The following RAB21 variants were observed in gnomAD, a reference collection of about 807,000 sequenced individuals.
The protein encoded by RAB21 is ras-related protein Rab-21.
RAB21 carries 13 observed loss-of-function variants against 33.1 expected under a neutral mutation model. The observed-to-expected ratio is 0.39, with a 90% CI of 0.26 to 0.62. The LOEUF (loss-of-function observed/expected upper bound fraction) is 0.62, where lower values mean the gene tolerates loss of function less well. Among genes scored for constraint, RAB21 ranks in the 20% least tolerant of loss-of-function variants. RAB21 has a pLI of 0.48. For synonymous variants in RAB21, 91 were observed against 103.7 expected (o/e 0.88, Z 0.74); for missense variants, 234 against 279.1 (o/e 0.84, Z 1.15).
At position 71,787,165 on chromosome 12, in the gene RAB21, A is replaced by G. The variant is rs1883306823; in HGVS notation, c.*1492A>G. Reference sequence around the variant, plus strand: ...ACTATCCTGAGTTTCTGTGGATGGAAACATTACATGTAATGCAGATATAGT... The same window carrying G: ...ACTATCCTGAGTTTCTGTGGATGGAGACATTACATGTAATGCAGATATAGT... On this transcript the variant is annotated 3_prime_UTR_variant, in exon 7 of 7. Transcript: ENST00000261263. The G allele has an allele frequency of 6.6e-6, 1 of 152,216 alleles. No individual in the cohort carries two copies. Among genetic ancestry groups the G allele is most frequent in the Non-Finnish European group, 1.5e-5 (1 of 68,040 alleles). The allele number at this position is 152,216 out of a possible 1,614,324, so 9.4% of individuals were successfully genotyped here.
Position 71,785,823 on chromosome 12 carries a change from C to A in RAB21, c.*150C>A. On this transcript the variant is annotated 3_prime_UTR_variant, in exon 7 of 7. Coordinates refer to ENST00000261263, the MANE Select transcript of RAB21 (RefSeq NM_014999.4). ...ATTACGTTTATAACACTGCAGAGACCTTAAGTGCTAAACTTAGTGGAGTTT... is the reference window on the plus strand; with the variant it reads ...ATTACGTTTATAACACTGCAGAGACATTAAGTGCTAAACTTAGTGGAGTTT... The A allele has an allele frequency of 1.3e-6, 1 of 799,948 alleles. No homozygotes were observed. The highest frequency in any genetic ancestry group is 2.3e-5 in the South Asian group (1 of 44,122). 49.6% of individuals were successfully genotyped at this position (799,948 alleles called of 1,614,324 possible).
Position 71,769,386 on chromosome 12 carries a change from CTG to C in RAB21, c.160-411_160-410del, listed in dbSNP as rs1437253414. ...GTTAAACAATTGAGTTATGAAGTAA[CTG>C]TGGAATCATTTTGAATAATATTGAT... On this transcript the variant is annotated intron_variant, in intron 1 of 6. Coordinates refer to ENST00000261263, the MANE Select transcript of RAB21 (RefSeq NM_014999.4). Among the ~76,000 whole-genome samples the C allele has an allele frequency of 3.3e-5, 5 of 152,190 alleles. No homozygotes were observed. The East Asian group carries it at 5.8e-4, about 18-fold the overall frequency.
At chr12:71,770,180 G>A (rs1883021504) in intron 2 of RAB21, among the ~76,000 whole-genome samples, 1 of 152,094 alleles carries the variant, frequency 6.6e-6, no homozygotes, top group South Asian at 2.1e-4. Flanking sequence ...TGAGGATAAT[G>A]CAGCAGATAC....
At chr12:71,761,043 T>TAA (rs879464307) in intron 1 of RAB21, among the ~76,000 whole-genome samples, 14 of 139,484 alleles carry the variant, frequency 1.0e-4, no homozygotes, top group African/African-American at 3.7e-4. Flanking sequence ...CATCTCTAGT[T>TAA]AAAAAAAAAA....
chr12:71,761,061 G>A (rs1229084185), intron 1 of RAB21, among the ~76,000 whole-genome samples: 1 of 150,982 alleles, frequency 6.6e-6, no homozygotes, highest in African/African-American at 2.5e-5. Flanking sequence ...AAAAAAAATA[G>A]CTGGGCATGG....
chr12:71,785,631 T>C lies in RAB21; in HGVS notation c.636T>C (p.Pro212=), dbSNP rs34468898. ...GTGTACAGATTATTGATGATGAACC[T>C]CAAGCCCAGACCAGTGGTGGAGGGT... is the stretch of plus-strand genomic sequence containing the variant. ...RRGVQIIDDE[P]QAQTSGGGCC... Residue 212 remains proline (P), a synonymous_variant, in exon 7 of 7, where the codon CCT becomes CCC. Transcript: ENST00000261263. 1,571 of 1,614,142 alleles carry C rather than the reference T, an allele frequency of 9.7e-4. 18 individuals carry two copies. In the African/African-American group the frequency reaches 0.019, roughly 19 times the overall value.
At chr12:71,765,540 G>C (rs967657077) in intron 1 of RAB21, among the ~76,000 whole-genome samples, 4 of 152,088 alleles carry the variant, frequency 2.6e-5, no homozygotes, top group African/African-American at 4.8e-5. Context: ...CCAATGTCTA[G>C]AAGAGTTTTT....
At chr12:71,781,277 G>C (rs1281956103) in intron 4 of RAB21, among the ~76,000 whole-genome samples, 2 of 152,056 alleles carry the variant, frequency 1.3e-5, no homozygotes, top group African/African-American at 4.8e-5. Context: ...AGACCATCCT[G>C]GCTAACACAG....
intron 1 of RAB21, among the ~76,000 whole-genome samples, chr12:71,769,217 G>A (rs1040988497): frequency 1.3e-5 from 2 of 152,116 alleles, no homozygotes; most frequent in African/African-American, 4.8e-5. Context: ...TCTTTACAGT[G>A]TATTTGGCAA....
At chr12:71,784,377 A>C (rs1883249114) in intron 6 of RAB21, among the ~76,000 whole-genome samples, 2 of 152,178 alleles carry the variant, frequency 1.3e-5, no homozygotes, top group Non-Finnish European at 1.5e-5. Flanking sequence ...GTGTAAGCCA[A>C]AGTCACAAAA....
Position 71,785,889 on chromosome 12 carries a change from GTT to G in RAB21, c.*225_*226del, listed in dbSNP as rs1375207159. 4.9e-6 allele frequency: 2 copies of G among 410,914 alleles called. No homozygotes were observed. Among genetic ancestry groups the G allele is most frequent in the Non-Finnish European group, 8.1e-6 (2 of 247,528 alleles). 25.5% of individuals were successfully genotyped at this position (410,914 alleles called of 1,614,324 possible). A position where few individuals can be genotyped will look rare whatever the true frequency, so the allele number is the denominator to read the frequency against. On this transcript the variant is annotated 3_prime_UTR_variant, in exon 7 of 7. Coordinates refer to ENST00000261263, the MANE Select transcript of RAB21 (RefSeq NM_014999.4). ...GCATTTTCTACAAATGTTTTTTTTT[GTT>G]TTTTTTTTGTTTTTTTTTGTTTTTT...
At chr12:71,759,050 G>T (rs753308011) in intron 1 of RAB21, among the ~76,000 whole-genome samples, 1 of 152,156 alleles carries the variant, frequency 6.6e-6, no homozygotes, top group Admixed American at 6.5e-5. Flanking sequence ...TCAAAAAAAG[G>T]CATTATTTGT....
intron 1 of RAB21, among the ~76,000 whole-genome samples, chr12:71,760,368 AACTTATATAG>A (rs1234617244): frequency 3.9e-5 from 6 of 152,056 alleles, no homozygotes; most frequent in Non-Finnish European, 8.8e-5. Context: ...AAGCTCTCTT[AACTTATATAG>A]AGTCCCCAAG....
chr12:71,770,735 A>G (rs775229156), intron 3 of RAB21, 36 bp downstream of exon 3: 3 of 1,374,512 alleles, frequency 2.2e-6, no homozygotes, highest in Non-Finnish European at 2.0e-6. Context: ...TAGAAGAACA[A>G]TAGTAATTTT....
Position 71,786,576 on chromosome 12 carries a change from T to C in RAB21, c.*903T>C, listed in dbSNP as rs1243255776. 1 of 152,656 alleles carries C rather than the reference T, an allele frequency of 6.6e-6. No individual in the cohort carries two copies. Among genetic ancestry groups the C allele is most frequent in the Non-Finnish European group, 1.5e-5 (1 of 68,036 alleles). The allele number at this position is 152,656 out of a possible 1,614,324, so 9.5% of individuals were successfully genotyped here. ...TACATATTAAATATTTTATCTGCTT[T>C]TACAAGCGCAAGGTGCAAAAATATA... On this transcript the variant is annotated 3_prime_UTR_variant, in exon 7 of 7. Coordinates refer to ENST00000261263, the MANE Select transcript of RAB21 (RefSeq NM_014999.4).
intron 1 of RAB21, among the ~76,000 whole-genome samples, chr12:71,767,999 T>C (rs1189345196): frequency 6.6e-6 from 1 of 152,212 alleles, no homozygotes; most frequent in Non-Finnish European, 1.5e-5. Context: ...TATTCTTAGC[T>C]CCTATGCTAG....
chr12:71,758,647 A>AT (rs34094830), intron 1 of RAB21, among the ~76,000 whole-genome samples: 111,303 of 148,904 alleles, frequency 0.75, 42,698 homozygotes, highest in Non-Finnish European at 0.85. Context: ...TGCTCGGCTA[A>AT]TTTTTTTTTT....
rs1485746106 is a variant in RAB21 at position 71,797,005 on chromosome 12, A to C, written c.*11332A>C. On this transcript the variant is annotated 3_prime_UTR_variant, in exon 7 of 7. Transcript: ENST00000261263. ...TGAGAAAAGTGGTGGAAATAAATAC[A>C]TTGAGCAGATTCAGAATTTAATAGA... The C allele has an allele frequency of 6.6e-6, 1 of 152,194 alleles. No homozygotes were observed. The highest frequency in any genetic ancestry group is 1.9e-4 in the East Asian group (1 of 5,206). The allele number at this position is 152,194 out of a possible 1,614,324, so 9.4% of individuals were successfully genotyped here. A position where few individuals can be genotyped will look rare whatever the true frequency, so the allele number is the denominator to read the frequency against.
intron 1 of RAB21, 32 bp downstream of exon 1, chr12:71,755,320 T>C: frequency 1.4e-6 from 2 of 1,480,866 alleles, no homozygotes; most frequent in Admixed American, 2.6e-5. Flanking sequence ...AGGGGGCGCC[T>C]CAGGGCCCCT....
Sources: allele counts gnomAD v4.1 joint callset (sites outside exome capture counted in the v4.1 genomes callset), GRCh38; gene constraint gnomAD v4.1.1; transcripts MANE v1.5; gene names NCBI Gene and HGNC (gene_info 2026-07-23, HGNC 2026-07-21).